The following WNT7B variants were observed in gnomAD, a reference collection of about 807,000 sequenced individuals.
WNT7B encodes Wnt family member 7B.
A neutral mutation model predicts 38.2 loss-of-function variants in WNT7B; 19 were observed. The observed-to-expected ratio is 0.50, with a 90% CI of 0.35 to 0.73. The LOEUF (loss-of-function observed/expected upper bound fraction) is 0.73, where lower values mean the gene tolerates loss of function less well. WNT7B is among the 30% of genes least tolerant of loss of function. The probability of loss-of-function intolerance (pLI) is 0.01; values close to 1 mark genes in which losing one functional copy is unlikely to be tolerated. For synonymous variants in WNT7B, 243 were observed against 209.3 expected (o/e 1.16, Z -1.39); for missense variants, 423 against 507.9 (o/e 0.83, Z 1.61).
At chr22:45,933,170 G>T (rs573519760) in intron 2 of WNT7B, among the ~76,000 whole-genome samples, 1 of 152,280 alleles carries the variant, frequency 6.6e-6, no homozygotes, top group East Asian at 1.9e-4. Context: ...TCTGTCTGCC[G>T]TCATGGAGGG....
At chr22:45,960,941 G>C (rs1041128948) in intron 1 of WNT7B, among the ~76,000 whole-genome samples, 5 of 152,160 alleles carry the variant, frequency 3.3e-5, no homozygotes, top group African/African-American at 1.2e-4. Flanking sequence ...CAGTGTTCCT[G>C]CCTGTCAAAT....
Position 45,975,591 on chromosome 22 carries a change from G to A in WNT7B, c.71+1093C>T. 1.4e-6 allele frequency: 1 copy of A among 716,596 alleles called. No homozygotes were observed. Among genetic ancestry groups the A allele is most frequent in the Non-Finnish European group, 2.6e-6 (1 of 384,556 alleles). The allele number at this position is 716,596 out of a possible 1,614,324, so 44.4% of individuals were successfully genotyped here. A position where few individuals can be genotyped will look rare whatever the true frequency, so the allele number is the denominator to read the frequency against. On this transcript the variant is annotated intron_variant, in intron 1 of 3. Transcript: ENST00000339464. The surrounding 1 kb of genome is among the most constrained non-coding windows in gnomAD (Gnocchi z 6.6). Reference sequence around the variant, plus strand: ...ATGGGATGGAGGGTGATGGAGAGACGATTCCCAGCGCCTGCTTCCACCTCT... The same window carrying A: ...ATGGGATGGAGGGTGATGGAGAGACAATTCCCAGCGCCTGCTTCCACCTCT...
At chr22:45,934,850 G>A (rs1339328599) in intron 2 of WNT7B, among the ~76,000 whole-genome samples, 1 of 152,256 alleles carries the variant, frequency 6.6e-6, no homozygotes, top group Non-Finnish European at 1.5e-5. Flanking sequence ...GGGGAGGTGA[G>A]CTGCAGAGAG....
At chr22:45,929,677 CCT>C (rs1569111231) in intron 3 of WNT7B, among the ~76,000 whole-genome samples, 1,647 of 117,358 alleles carry the variant, frequency 0.014, 37 homozygotes, top group African/African-American at 0.053. Context: ...CCCATCCTTC[CCT>C]CCATACTTCC....
rs758959748 is a variant in WNT7B at position 45,931,331 on chromosome 22, C to T, written c.337G>A (p.Ala113Thr). 6.3e-7 allele frequency: 1 copy of T among 1,596,168 alleles called. No individual in the cohort carries two copies. Among genetic ancestry groups the T allele is most frequent in the Non-Finnish European group, 8.5e-7 (1 of 1,178,346 alleles). Reference protein sequence around the residue: ...EAAFTYAITAAGVAHAVTAAC... With the variant: ...EAAFTYAITATGVAHAVTAAC... ...GCGGTGACGGCGTGCGCCACGCCAG[C>T]CGCGGTGATGGCGTACGTGAAGGCA... Residue 113 changes from alanine to threonine, a missense_variant, in exon 3 of 4, where the codon GCT becomes ACT. By Grantham distance (58) the Ala-to-Thr change is moderately conservative (BLOSUM62 0). Around this residue, in one of 3 missense-constraint regions of WNT7B, gnomAD observed 133 missense variants for 179.8 expected, o/e 0.74. Transcript: ENST00000339464.
rs144207086 is a variant in WNT7B, at chr22:45,956,252, C to T, written c.72-6106G>A. ...CTCTGTCAGATGGGAGTGATAACAG[C>T]TCCCATCCATCTCAGAGCTGCTGGG... On this transcript the variant is annotated intron_variant, in intron 1 of 3. Transcript: ENST00000339464. Among the ~76,000 whole-genome samples, 378 of 152,344 alleles carry T rather than the reference C, an allele frequency of 2.5e-3. 1 individual carries two copies. Among genetic ancestry groups the T allele is most frequent in the African/African-American group, 8.4e-3 (351 of 41,578 alleles).
Position 45,922,750 on chromosome 22 carries a change from C to A in WNT7B, c.*106G>T, listed in dbSNP as rs1601711769. 2 of 1,500,684 alleles carry A rather than the reference C, an allele frequency of 1.3e-6. No individual in the cohort carries two copies. The highest frequency in any genetic ancestry group is 4.6e-5 in the East Asian group (2 of 43,622). The allele number at this position is 1,500,684 out of a possible 1,614,324, so 93.0% of individuals were successfully genotyped here. ...GCACCTGGAGCTCCCCGCTTCTGCACCCGTCTATGTCTGCTGCTGGCAGCA... is the reference window on the plus strand; with the variant it reads ...GCACCTGGAGCTCCCCGCTTCTGCAACCGTCTATGTCTGCTGCTGGCAGCA... On this transcript the variant is annotated 3_prime_UTR_variant, in exon 4 of 4. Coordinates refer to ENST00000339464, the MANE Select transcript of WNT7B (RefSeq NM_058238.3).
chr22:45,971,242 G>C (rs555373490), intron 1 of WNT7B, among the ~76,000 whole-genome samples: 27 of 152,124 alleles, frequency 1.8e-4, no homozygotes, highest in African/African-American at 6.5e-4. Context: ...TGTAAAGGAG[G>C]GGGAGGGGGA....
chr22:45,948,508 G>A (rs1162326226), intron 2 of WNT7B, among the ~76,000 whole-genome samples: 2 of 152,224 alleles, frequency 1.3e-5, no homozygotes, highest in African/African-American at 2.4e-5. Context: ...CGGCAGCTGC[G>A]GCTCTGCTCG....
In WNT7B at chr22:45,946,375, T is replaced by C. The variant is rs568352396; in HGVS notation, c.298+3545A>G. ...GCCCTTGCTGACATCCCTGATTCGATGATAGTGCCTGGTTGAAACTCCCTG... is the reference window on the plus strand; with the variant it reads ...GCCCTTGCTGACATCCCTGATTCGACGATAGTGCCTGGTTGAAACTCCCTG... On this transcript the variant is annotated intron_variant, in intron 2 of 3. Transcript: ENST00000339464. 3.7e-4 allele frequency among the ~76,000 whole-genome samples: 57 copies of C among 152,330 alleles called. 1 individual carries two copies. The South Asian group carries it at 9.7e-3, about 26-fold the overall frequency.
intron 3 of WNT7B, among the ~76,000 whole-genome samples, chr22:45,930,727 C>G (rs1463233847): frequency 6.6e-6 from 1 of 152,172 alleles, no homozygotes; most frequent in East Asian, 1.9e-4. Context: ...CCTGGTGTGC[C>G]GAGGTGACCT....
intron 1 of WNT7B, among the ~76,000 whole-genome samples, chr22:45,954,042 G>A (rs1932001624): frequency 6.6e-6 from 1 of 152,208 alleles, no homozygotes; most frequent in Admixed American, 6.5e-5. Context: ...TAAACCAAAT[G>A]TGGTCCATCT....
chr22:45,935,208 G>A (rs188712913), intron 2 of WNT7B, among the ~76,000 whole-genome samples: 73 of 152,316 alleles, frequency 4.8e-4, no homozygotes, highest in African/African-American at 1.2e-3. Flanking sequence ...CTTAGAAGCC[G>A]GTCCTCTGCA....
At chr22:45,926,889 G>A (rs1931101385) in intron 3 of WNT7B, 12 of 985,444 alleles carry the variant, frequency 1.2e-5, no homozygotes, top group Non-Finnish European at 1.3e-5. Flanking sequence ...AGGACGGTGT[G>A]AACAATGCGC....
intron 3 of WNT7B, among the ~76,000 whole-genome samples, chr22:45,929,491 C>CCCATCTGTCCAT (rs138747251): frequency 1.4e-5 from 1 of 73,166 alleles, no homozygotes; most frequent in Non-Finnish European, 3.1e-5. Context: ...TGTACATCCA[C>CCCATCTGTCCAT]CCACCCACCC....
intron 1 of WNT7B, chr22:45,972,116 G>GGGCCCCCCCCCCCCCC: frequency 1.9e-6 from 1 of 530,746 alleles, no homozygotes. Flanking sequence ...CCCGGGGGGA[G>GGGCCCCCCCCCCCCCC]CCCACCCGCC....
intron 2 of WNT7B, among the ~76,000 whole-genome samples, chr22:45,944,620 C>T (rs1931750732): frequency 6.6e-6 from 1 of 152,256 alleles, no homozygotes; most frequent in Admixed American, 6.5e-5. Context: ...CCAGGGTCGT[C>T]AGCCTGGGGC....
Position 45,976,944 on chromosome 22 carries a change from C to A in WNT7B, c.-190G>T. ...GGTGAGCCCGGGATGCCGCCGCCGC[C>A]ACCGCCGCGTGAGCCCGGGGAATTG... is the stretch of plus-strand genomic sequence containing the variant. On this transcript the variant is annotated 5_prime_UTR_variant, in exon 1 of 4. Coordinates refer to ENST00000339464, the MANE Select transcript of WNT7B (RefSeq NM_058238.3). This position sits in a 1 kb window ranked among gnomAD's most constrained non-coding sequence, Gnocchi z 8.5. The A allele has an allele frequency of 1.0e-6, 1 of 988,944 alleles. No homozygotes were observed. The highest frequency in any genetic ancestry group is 4.6e-5 in the South Asian group (1 of 21,890). 61.3% of individuals were successfully genotyped at this position (988,944 alleles called of 1,614,324 possible).
At chr22:45,937,728 C>T (rs1021430066) in intron 2 of WNT7B, among the ~76,000 whole-genome samples, 6 of 152,218 alleles carry the variant, frequency 3.9e-5, no homozygotes, top group Non-Finnish European at 8.8e-5. Context: ...CATTTTTGTC[C>T]GGGCACAGCG....
Sources: allele counts gnomAD v4.1 joint callset (sites outside exome capture counted in the v4.1 genomes callset), GRCh38; gene constraint gnomAD v4.1.1; regional missense constraint gnomAD v4.1.1; non-coding constraint Gnocchi (gnomAD v3.1); transcripts MANE v1.5; gene names NCBI Gene and HGNC (gene_info 2026-07-23, HGNC 2026-07-21).